Variants in FAT3 observed in about 807,000 individuals in gnomAD.
FAT3 encodes the protein FAT atypical cadherin 3.
FAT3 carries 95 observed loss-of-function variants against 310.2 expected under a neutral mutation model. The ratio of observed to expected loss-of-function variants is 0.31; its 90% CI spans 0.26 to 0.36. FAT3 has a LOEUF of 0.36. Among genes scored for constraint, FAT3 ranks in the 10% least tolerant of loss-of-function variants. The pLI is 1.00. For synonymous variants in FAT3, 2,314 were observed against 2,192.9 expected (o/e 1.06, Z -1.54); for missense variants, 5,408 against 5,715.6 (o/e 0.95, Z 1.74).
chr11:92,637,874 C>T (rs558492608), intron 3 of FAT3, among the ~76,000 whole-genome samples: 1 of 152,184 alleles, frequency 6.6e-6, no homozygotes, highest in South Asian at 2.1e-4. Context: ...AATGAACCAG[C>T]CTGTCAGGCA....
chr11:92,259,965 C>T (rs2134302666), intron 1 of FAT3, among the ~76,000 whole-genome samples: 1 of 152,224 alleles, frequency 6.6e-6, no homozygotes, highest in Non-Finnish European at 1.5e-5. Context: ...TCAAGTCTTT[C>T]AAAGATAAGA....
At position 92,837,759 on chromosome 11, in the gene FAT3, G is replaced by A; in HGVS notation, c.10321G>A (p.Asp3441Asn). Reference protein sequence around the residue: ...TVNIDISDVNDNSPVFTPANY... With the variant: ...TVNIDISDVNNNSPVFTPANY... ...CAACATTGATATTTCTGATGTGAAT[G>A]ACAACAGCCCGGTGTTTACACCTGC... Residue 3441 changes from aspartate to asparagine, a missense_variant, in exon 17 of 28, where the codon GAC becomes AAC. Transcript: ENST00000525166. 1 of 1,613,940 alleles carries A rather than the reference G, an allele frequency of 6.2e-7. No homozygotes were observed. Among genetic ancestry groups the A allele is most frequent in the Non-Finnish European group, 8.5e-7 (1 of 1,179,884 alleles).
chr11:92,464,526 G>A (rs989720728), intron 2 of FAT3, among the ~76,000 whole-genome samples: 3 of 152,144 alleles, frequency 2.0e-5, no homozygotes, highest in African/African-American at 7.2e-5. Context: ...GGAAGCTCAG[G>A]GAACAACTGT....
At chr11:92,782,471 G>T (rs1418460792) in intron 7 of FAT3, among the ~76,000 whole-genome samples, 1 of 152,092 alleles carries the variant, frequency 6.6e-6, no homozygotes, top group African/African-American at 2.4e-5. Flanking sequence ...CCAGCTACTT[G>T]GATGGCAGGA....
intron 1 of FAT3, among the ~76,000 whole-genome samples, chr11:92,315,157 C>G (rs2134468525): frequency 1.3e-5 from 2 of 151,208 alleles, no homozygotes; most frequent in East Asian, 3.9e-4. Context: ...TTTTCCTAAG[C>G]AGATCTTCAA....
At chr11:92,286,984 C>G (rs1006494523) in intron 1 of FAT3, among the ~76,000 whole-genome samples, 25 of 152,284 alleles carry the variant, frequency 1.6e-4, no homozygotes, top group Admixed American at 4.6e-4. Flanking sequence ...GGATTTTGGT[C>G]CTTCACCACC....
At chr11:92,549,752 G>A (rs1475699688) in intron 3 of FAT3, among the ~76,000 whole-genome samples, 1 of 152,106 alleles carries the variant, frequency 6.6e-6, no homozygotes, top group Admixed American at 6.5e-5. Flanking sequence ...ACTTGCCAGA[G>A]TCAGTTAGTA....
chr11:92,592,383 A>C (rs928896410), intron 3 of FAT3, among the ~76,000 whole-genome samples: 3 of 131,218 alleles, frequency 2.3e-5, no homozygotes, highest in Non-Finnish European at 4.6e-5. Flanking sequence ...ATGCCATGGC[A>C]CAATCTTGGC....
intron 3 of FAT3, among the ~76,000 whole-genome samples, chr11:92,586,962 A>C (rs554570352): frequency 7.2e-5 from 11 of 152,094 alleles, no homozygotes; most frequent in African/African-American, 1.9e-4. Flanking sequence ...AGTAATTTCA[A>C]ATGTGAGAAG....
At chr11:92,880,221 A>T (rs898728283) in intron 22 of FAT3, among the ~76,000 whole-genome samples, 1 of 150,432 alleles carries the variant, frequency 6.6e-6, no homozygotes, top group Non-Finnish European at 1.5e-5. Flanking sequence ...GCCTTTGCCA[A>T]TCTGGGGTTC....
At chr11:92,452,024 T>C (rs1951366603) in intron 2 of FAT3, among the ~76,000 whole-genome samples, 1 of 152,208 alleles carries the variant, frequency 6.6e-6, no homozygotes, top group South Asian at 2.1e-4. Flanking sequence ...TCTTTGGGCC[T>C]TTATACATAG....
chr11:92,254,172 G>A (rs1357937013), intron 1 of FAT3, among the ~76,000 whole-genome samples: 3 of 152,104 alleles, frequency 2.0e-5, no homozygotes, highest in Non-Finnish European at 4.4e-5. Flanking sequence ...AGAAGACAGA[G>A]GCCACATAGA....
At chr11:92,254,453 T>C (rs950710999) in intron 1 of FAT3, among the ~76,000 whole-genome samples, 3 of 152,202 alleles carry the variant, frequency 2.0e-5, no homozygotes, top group African/African-American at 7.2e-5. Flanking sequence ...TCAAACAGTT[T>C]AAGATCCTGC....
chr11:92,831,791 C>G lies in FAT3; in HGVS notation c.9651C>G (p.Ser3217=), dbSNP rs376656792. The change falls in exon 14 of 28, where the codon TCC becomes TCG. Residue 3217 remains serine, a synonymous_variant. Transcript: ENST00000525166. ...ATDQSPGQSL[S]SLTTVTITVL... is the part of the protein sequence containing the mutation. ...ACCAGAGTCCTGGACAGTCCCTGTC[C>G]TCTCTCACTACTGTCACCATCACCG... 2.3e-5 allele frequency: 37 copies of G among 1,613,538 alleles called. No individual in the cohort carries two copies. The African/African-American group carries it at 3.9e-4, about 17-fold the overall frequency.
chr11:92,269,484 A>G (rs970693850), intron 1 of FAT3, among the ~76,000 whole-genome samples: 3 of 152,144 alleles, frequency 2.0e-5, no homozygotes, highest in East Asian at 1.9e-4. Context: ...TGAAGCTGGG[A>G]CATATACTTT....
At chr11:92,261,109 C>G (rs1199440245) in intron 1 of FAT3, among the ~76,000 whole-genome samples, 4 of 151,816 alleles carry the variant, frequency 2.6e-5, no homozygotes, top group African/African-American at 7.3e-5. Flanking sequence ...AGTGTTGTCC[C>G]CATAAATCAT....
At chr11:92,881,468 T>C (rs1299570480) in intron 23 of FAT3, among the ~76,000 whole-genome samples, 1 of 152,266 alleles carries the variant, frequency 6.6e-6, no homozygotes, top group Non-Finnish European at 1.5e-5. Flanking sequence ...TCAGTCTTAC[T>C]TATTCATTAG....
At chr11:92,827,511 G>C (rs1160483107) in intron 13 of FAT3, among the ~76,000 whole-genome samples, 1 of 152,180 alleles carries the variant, frequency 6.6e-6, no homozygotes, top group African/African-American at 2.4e-5. Context: ...TGTAGTTTGG[G>C]CAGGCTGTGG....
rs549405921 is a variant in FAT3 at position 92,520,126 on chromosome 11, T to TA, written c.3293-4507dup. On this transcript the variant is annotated intron_variant, in intron 2 of 27. Coordinates refer to ENST00000525166, the MANE Select transcript of FAT3 (RefSeq NM_001367949.2). ...GTCAGTGGTTAAAAAAATAATGCTG[T>TA]ACCGACACAATGGAATATTACTAAG... Among the ~76,000 whole-genome samples the TA allele has an allele frequency of 1.5e-4, 23 of 152,058 alleles. 1 individual carries two copies. In the South Asian group the frequency reaches 4.9e-3, roughly 33 times the overall value.
Sources: gnomAD v4.1 joint callset for allele counts (sites outside exome capture counted in the v4.1 genomes callset) on GRCh38, gnomAD v4.1.1 for gene constraint, MANE v1.5 for transcripts, NCBI Gene and HGNC (gene_info 2026-07-23, HGNC 2026-07-21) for gene names.